STRN3: variants seen among roughly 807,000 people sequenced by gnomAD.
STRN3 encodes the protein striatin 3.
In STRN3, 29 loss-of-function variants were observed where a neutral mutation model predicts 95.6. The observed-to-expected ratio is 0.30, with a 90% CI of 0.23 to 0.41. The LOEUF is 0.41. Ranked by LOEUF, STRN3 falls within the 10% of genes least tolerant of loss-of-function variation. The pLI is 1.00. For missense variants in STRN3, 890 were observed against 972.1 expected (o/e 0.92, Z 1.12); for synonymous variants, 331 against 357.6 (o/e 0.93, Z 0.84).
chr14:30,935,174 C>G lies in STRN3; in HGVS notation c.977G>C (p.Gly326Ala). 6 of 1,613,938 alleles carry G rather than the reference C, an allele frequency of 3.7e-6. No individual in the cohort carries two copies. Among genetic ancestry groups the G allele is most frequent in the Non-Finnish European group, 5.1e-6 (6 of 1,179,922 alleles). The change falls in exon 7 of 18, where the codon GGC becomes GCC. Residue 326 changes from glycine (G) to alanine (A), a missense_variant. Gly to Ala is a moderately conservative substitution (Grantham distance 60). This residue lies in a region of STRN3 where 526 missense variants were observed against 526.3 expected (regional missense o/e 1.00). Coordinates refer to ENST00000357479, the MANE Select transcript of STRN3 (RefSeq NM_001083893.2). ...CTTTATCACCTTACCCCATTCTGTG[C>G]CATCCCCCGAACTCCGTGCTTCTCC... ...GAGEARSSGD[G>A]TEWDKDDLSP... is the part of the protein sequence containing the mutation.
At chr14:30,928,072 C>A (rs1408003641) in intron 8 of STRN3, among the ~76,000 whole-genome samples, 1 of 151,932 alleles carries the variant, frequency 6.6e-6, no homozygotes, top group Non-Finnish European at 1.5e-5. Context: ...CTAAACACAA[C>A]CCCAGCCCAG....
intron 16 of STRN3, among the ~76,000 whole-genome samples, chr14:30,902,072 G>A (rs551766097): frequency 1.3e-5 from 2 of 150,400 alleles, no homozygotes; most frequent in African/African-American, 4.9e-5. Context: ...TCGGGAGGCT[G>A]AGGCAGGATA....
At chr14:30,956,992 C>T (rs1461335765) in intron 1 of STRN3, among the ~76,000 whole-genome samples, 4 of 151,870 alleles carry the variant, frequency 2.6e-5, no homozygotes, top group Non-Finnish European at 5.9e-5. Context: ...AACCCCCTCT[C>T]TACAAAAATA....
At chr14:30,952,718 A>T (rs1566454597) in intron 3 of STRN3, among the ~76,000 whole-genome samples, 2 of 152,060 alleles carry the variant, frequency 1.3e-5, no homozygotes, top group Non-Finnish European at 2.9e-5. Context: ...CCAAAAAAAC[A>T]ACACTTATTC....
At chr14:30,915,865 AG>A (rs1896724864) in intron 9 of STRN3, among the ~76,000 whole-genome samples, 1 of 152,234 alleles carries the variant, frequency 6.6e-6, no homozygotes, top group Admixed American at 6.5e-5. Flanking sequence ...GAGCATGTGA[AG>A]GGAAGTGTCT....
In STRN3 at chr14:30,925,454, A is replaced by G. The variant is rs17097552; in HGVS notation, c.1099+3747T>C. ...GCTGATTCCATATGGTAAAGTTAGC[A>G]AATAGTTTTCTTCCCTCTAAGAAGC... On this transcript the variant is annotated intron_variant, in intron 8 of 17. Transcript: ENST00000357479. 5.2e-3 allele frequency among the ~76,000 whole-genome samples: 797 copies of G among 152,340 alleles called. 3 individuals carry two copies. Among genetic ancestry groups the G allele is most frequent in the African/African-American group, 0.018 (741 of 41,578 alleles).
At chr14:31,004,734 T>C (rs888243790) in intron 1 of STRN3, among the ~76,000 whole-genome samples, 7 of 152,000 alleles carry the variant, frequency 4.6e-5, no homozygotes, top group Non-Finnish European at 8.8e-5. Context: ...GATCGCGCCA[T>C]TGCACTGCAG....
chr14:31,021,074 GA>G (rs1883484047), intron 1 of STRN3, among the ~76,000 whole-genome samples: 1 of 152,176 alleles, frequency 6.6e-6, no homozygotes. Context: ...AAGGTTCAAT[GA>G]CCTCTATAGT....
chr14:30,927,707 C>T (rs186569210), intron 8 of STRN3, among the ~76,000 whole-genome samples: 67 of 151,656 alleles, frequency 4.4e-4, no homozygotes, highest in Admixed American at 1.1e-3. Context: ...AGGCAGATTA[C>T]GACAATGTCA....
At chr14:30,916,286 T>G (rs1296622929) in intron 9 of STRN3, among the ~76,000 whole-genome samples, 1 of 151,510 alleles carries the variant, frequency 6.6e-6, no homozygotes, top group African/African-American at 2.4e-5. Flanking sequence ...TTTTTTGGTT[T>G]TTTTTTTTTT....
intron 13 of STRN3, 107 bp from the exon 14 acceptor site, chr14:30,907,151 A>G: frequency 7.8e-7 from 1 of 1,274,990 alleles, no homozygotes; most frequent in Non-Finnish European, 1.1e-6. Flanking sequence ...ACACACATAA[A>G]GGCCACAAGA....
intron 1 of STRN3, among the ~76,000 whole-genome samples, chr14:30,998,684 A>G (rs1043515655): frequency 5.9e-5 from 9 of 152,206 alleles, no homozygotes; most frequent in Non-Finnish European, 1.3e-4. Context: ...TCACTCAACC[A>G]CTAAGCTAAC....
intron 16 of STRN3, among the ~76,000 whole-genome samples, chr14:30,896,533 G>A (rs546995864): frequency 6.6e-6 from 1 of 151,018 alleles, no homozygotes; most frequent in South Asian, 2.2e-4. Flanking sequence ...CAAGGAAAAT[G>A]GGAAGGAAAG....
intron 5 of STRN3, among the ~76,000 whole-genome samples, chr14:30,943,375 G>T (rs1879186233): frequency 6.6e-6 from 1 of 152,166 alleles, no homozygotes; most frequent in Non-Finnish European, 1.5e-5. Context: ...TGGGGCAGGA[G>T]GGTTACTTGA....
intron 7 of STRN3, 97 bp from the exon 8 acceptor site, chr14:30,929,408 T>C: frequency 1.1e-6 from 1 of 930,564 alleles, no homozygotes; most frequent in Non-Finnish European, 1.7e-6. Context: ...CATAATAAAA[T>C]GTACTAATAG....
At chr14:30,903,126 C>T (rs1426792739) in intron 15 of STRN3, among the ~76,000 whole-genome samples, 2 of 151,886 alleles carry the variant, frequency 1.3e-5, no homozygotes, top group Non-Finnish European at 2.9e-5. Flanking sequence ...CTCTTACTAA[C>T]TTTTTATTAA....
intron 1 of STRN3, among the ~76,000 whole-genome samples, chr14:30,986,253 G>GA (rs140330061): frequency 0.017 from 2,654 of 152,026 alleles, 36 homozygotes; most frequent in Middle Eastern, 0.048. Flanking sequence ...AAGCGAAAAA[G>GA]AAAAAAACAC....
At chr14:30,952,095 G>A (rs963676499) in intron 3 of STRN3, among the ~76,000 whole-genome samples, 2 of 150,362 alleles carry the variant, frequency 1.3e-5, no homozygotes, top group African/African-American at 4.9e-5. Context: ...TACAGCCTGG[G>A]CGACAGAGCG....
intron 1 of STRN3, among the ~76,000 whole-genome samples, chr14:31,011,795 AT>A (rs1882980427): frequency 6.6e-6 from 1 of 151,996 alleles, no homozygotes; most frequent in South Asian, 2.1e-4. Flanking sequence ...TTTATTTTTT[AT>A]TTTTTTGAGG....
Sources: allele counts gnomAD v4.1 joint callset (sites outside exome capture counted in the v4.1 genomes callset), GRCh38; gene constraint gnomAD v4.1.1; regional missense constraint gnomAD v4.1.1; transcripts MANE v1.5; gene names NCBI Gene and HGNC (gene_info 2026-07-23, HGNC 2026-07-21).